Variants in CCPG1 observed in about 807,000 individuals in gnomAD.
The protein encoded by CCPG1 is cell cycle progression protein 1.
CCPG1 carries 46 observed loss-of-function variants against 81.3 expected under a neutral mutation model. That is an observed-to-expected ratio of 0.57 (90% CI 0.45 to 0.72). The LOEUF (loss-of-function observed/expected upper bound fraction) is 0.72. Among genes scored for constraint, CCPG1 ranks in the 30% least tolerant of loss-of-function variants. The probability of loss-of-function intolerance (pLI) is 0.00; values close to 1 mark genes in which losing one functional copy is unlikely to be tolerated. For synonymous variants in CCPG1, 330 were observed against 305.2 expected (o/e 1.08, Z -0.85); for missense variants, 902 against 937.6 (o/e 0.96, Z 0.50).
rs1376168462 is a variant in CCPG1, at chr15:55,376,992, G to C, written c.411C>G (p.Gly137=). 6.2e-7 allele frequency: 1 copy of C among 1,613,660 alleles called. No individual in the cohort carries two copies. Among genetic ancestry groups the C allele is most frequent in the Non-Finnish European group, 8.5e-7 (1 of 1,179,944 alleles). ...EAQSSEDFNM[G]SSSSSQYTFC... ...AAGTATACTGGCTGCTAGAGGAAGA[G>C]CCCATGTTAAAGTCTTCTGAACTCT... Residue 137 remains glycine (G), a synonymous_variant, in exon 5 of 9, where the codon GGC becomes GGG. Transcript: ENST00000442196.
chr15:55,399,081 C>T (rs147615579), intron 1 of CCPG1, among the ~76,000 whole-genome samples: 1,647 of 152,082 alleles, frequency 0.011, 14 homozygotes, highest in Non-Finnish European at 0.014. Context: ...AAAACCTCCC[C>T]CAAAGAAAAG....
intron 6 of CCPG1, among the ~76,000 whole-genome samples, chr15:55,370,175 T>C (rs1175988697): frequency 2.0e-5 from 3 of 152,230 alleles, no homozygotes; most frequent in African/African-American, 7.2e-5. Context: ...ACAGGTATTG[T>C]CTTCATTAAG....
intron 8 of CCPG1, 95 bp downstream of exon 8, chr15:55,359,444 G>A (rs1169570029): frequency 2.0e-5 from 29 of 1,479,082 alleles, no homozygotes; most frequent in East Asian, 4.7e-5. Context: ...TCTTAGAAAC[G>A]GTAACCTTAC....
At chr15:55,386,000 G>T (rs764101662) in intron 2 of CCPG1, among the ~76,000 whole-genome samples, 1 of 152,044 alleles carries the variant, frequency 6.6e-6, no homozygotes, top group Non-Finnish European at 1.5e-5. Context: ...GAGAATAAGG[G>T]TCTAAATTTG....
chr15:55,376,759 G>A (rs1320478759), intron 5 of CCPG1, among the ~76,000 whole-genome samples, 190 bp downstream of exon 5: 1 of 152,160 alleles, frequency 6.6e-6, no homozygotes, highest in Admixed American at 6.5e-5. Context: ...TACAGTAAAA[G>A]ATTGCTATGC....
intron 1 of CCPG1, among the ~76,000 whole-genome samples, chr15:55,395,344 T>G (rs1442597283): frequency 6.6e-6 from 1 of 152,106 alleles, no homozygotes; most frequent in Non-Finnish European, 1.5e-5. Context: ...ACAGTGAATA[T>G]GAAAGCCCCC....
intron 5 of CCPG1, among the ~76,000 whole-genome samples, chr15:55,375,462 T>C (rs905967547): frequency 6.6e-6 from 1 of 152,008 alleles, no homozygotes; most frequent in Non-Finnish European, 1.5e-5. Context: ...ATAATAAAAT[T>C]TGATGACTAA....
chr15:55,372,268 A>C, intron 5 of CCPG1: 1 of 572,366 alleles, frequency 1.7e-6, no homozygotes, highest in Non-Finnish European at 3.1e-6. Flanking sequence ...TGTTAATCAT[A>C]CTATTTGGTG....
At chr15:55,372,291 A>G (rs1243216915) in intron 5 of CCPG1, 5 of 526,400 alleles carry the variant, frequency 9.5e-6, no homozygotes, top group South Asian at 6.7e-5. Context: ...TTGAGAGCCT[A>G]TCTCTGTTTT....
rs897830330 is a variant in CCPG1 at position 55,387,734 on chromosome 15, G to A, written c.60+1631C>T. On this transcript the variant is annotated intron_variant, in intron 2 of 8. Transcript: ENST00000442196. ...TAATTTTGTATTTTTAGTAGAGACCGGGTTTCTTCCATGTTGGTCAGGCTG... is the reference window on the plus strand; with the variant it reads ...TAATTTTGTATTTTTAGTAGAGACCAGGTTTCTTCCATGTTGGTCAGGCTG... Among the ~76,000 whole-genome samples the A allele has an allele frequency of 1.3e-4, 20 of 150,938 alleles. No individual in the cohort carries two copies. In the East Asian group the frequency reaches 2.2e-3, roughly 17 times the overall value.
Position 55,357,463 on chromosome 15 carries a change from C to T in CCPG1, c.2235-1054G>A, listed in dbSNP as rs16976282. ...GCTGCTACCAATACATTAGTCCCAC[C>T]GTATCCACGGCTTTACTTTCTGTGA... On this transcript the variant is annotated intron_variant, in intron 8 of 8. Transcript: ENST00000442196. 551 of 983,372 alleles carry T rather than the reference C, an allele frequency of 5.6e-4. 1 individual carries two copies. In the African/African-American group the frequency reaches 9.0e-3, roughly 16 times the overall value. 60.9% of individuals were successfully genotyped at this position (983,372 alleles called of 1,614,324 possible).
At chr15:55,405,268 G>A (rs1479884281) in intron 1 of CCPG1, among the ~76,000 whole-genome samples, 1 of 152,074 alleles carries the variant, frequency 6.6e-6, no homozygotes, top group Non-Finnish European at 1.5e-5. Flanking sequence ...AGGGTGAGGC[G>A]GGAGAACCAC....
At chr15:55,402,274 C>CGG (rs1330125827) in intron 1 of CCPG1, among the ~76,000 whole-genome samples, 1 of 152,128 alleles carries the variant, frequency 6.6e-6, no homozygotes, top group Admixed American at 6.6e-5. Context: ...CTCACCCAGG[C>CGG]GGGAGTACAG....
At chr15:55,365,936 A>AAAAAT (rs930130386) in intron 6 of CCPG1, among the ~76,000 whole-genome samples, 7 of 151,924 alleles carry the variant, frequency 4.6e-5, no homozygotes, top group African/African-American at 1.2e-4. Context: ...TACTAAAAAT[A>AAAAAT]AAAATAAAAT....
At chr15:55,387,544 A>C (rs555368170) in intron 2 of CCPG1, among the ~76,000 whole-genome samples, 1 of 152,076 alleles carries the variant, frequency 6.6e-6, no homozygotes, top group South Asian at 2.1e-4. Context: ...AAAATTTTTT[A>C]ATTTTTTTTT....
intron 1 of CCPG1, among the ~76,000 whole-genome samples, chr15:55,391,255 T>C (rs1442128713): frequency 2.6e-5 from 4 of 152,112 alleles, no homozygotes; most frequent in East Asian, 1.9e-4. Context: ...CATAAGTAGA[T>C]GGGCATGTGC....
intron 1 of CCPG1, among the ~76,000 whole-genome samples, chr15:55,396,411 T>C (rs1006923284): frequency 1.3e-5 from 2 of 152,202 alleles, no homozygotes; most frequent in African/African-American, 4.8e-5. Flanking sequence ...CTCAGAGTAG[T>C]TTCTTTAACT....
rs190547685 is a variant in CCPG1, at chr15:55,380,928, G to A, written c.176-2552C>T. 9.1e-4 allele frequency among the ~76,000 whole-genome samples: 138 copies of A among 152,082 alleles called. 4 individuals are homozygous for A. The East Asian group carries it at 0.018, about 20-fold the overall frequency. ...CAAGGCGGACAGACCACGAGGTCAG[G>A]AGATCAAGACCATCCTGGCTAACAC... On this transcript the variant is annotated intron_variant, in intron 3 of 8. Transcript: ENST00000442196.
At position 55,360,432 on chromosome 15, in the gene CCPG1, C is replaced by A; in HGVS notation, c.1341G>T (p.Leu447Phe). ...KLTFEQQRSD[L>F]WERLYVEAKD... ...TTGCCTCAACATACAATCTTTCCCA[C>A]AAATCAGAACGCTGCTGTTCGAAGG... The change falls in exon 8 of 9, where the codon TTG (leucine) becomes TTT (phenylalanine). Residue 447 changes from leucine to phenylalanine, a missense_variant. Transcript: ENST00000442196. 6.2e-7 allele frequency: 1 copy of A among 1,613,934 alleles called. No homozygotes were observed.
Sources: gnomAD v4.1 joint callset for allele counts (sites outside exome capture counted in the v4.1 genomes callset) on GRCh38, gnomAD v4.1.1 for gene constraint, MANE v1.5 for transcripts, NCBI Gene and HGNC (gene_info 2026-07-23, HGNC 2026-07-21) for gene names.